Variants in MRPS35 observed in about 807,000 individuals in gnomAD.
MRPS35 encodes small ribosomal subunit protein mS35.
MRPS35 carries 29 observed loss-of-function variants against 32.7 expected under a neutral mutation model. The observed-to-expected ratio is 0.89, with a 90% CI of 0.66 to 1.21. MRPS35 has a LOEUF of 1.21. MRPS35 is among the 50% of genes most tolerant of loss of function. The pLI is 0.00. For synonymous variants in MRPS35, 148 were observed against 139.3 expected, an observed-to-expected ratio of 1.06 and a Z score of -0.44; for missense variants, 373 against 383.8, an observed-to-expected ratio of 0.97 and a Z score of 0.23.
At chr12:27,716,586 T>A (rs183986396) in intron 3 of MRPS35, 128 bp downstream of exon 3, 270 of 826,646 alleles carry the variant, frequency 3.3e-4, no homozygotes, top group Non-Finnish European at 3.2e-4. Flanking sequence ...AATTTAAATG[T>A]TAAAAATAAT....
chr12:27,736,389 A>C (rs1284000323), intron 6 of MRPS35, among the ~76,000 whole-genome samples: 1 of 152,126 alleles, frequency 6.6e-6, no homozygotes, highest in African/African-American at 2.4e-5. Flanking sequence ...ATATATTAGG[A>C]ATAGTCTTTT....
At chr12:27,730,504 A>G (rs1165833905) in intron 5 of MRPS35, among the ~76,000 whole-genome samples, 8 of 152,178 alleles carry the variant, frequency 5.3e-5, no homozygotes, top group African/African-American at 1.9e-4. Context: ...GCTGGAGTGC[A>G]GTGGCACAAG....
intron 1 of MRPS35, among the ~76,000 whole-genome samples, chr12:27,711,361 C>G (rs755891920): frequency 6.6e-6 from 1 of 152,208 alleles, no homozygotes; most frequent in Non-Finnish European, 1.5e-5. Context: ...GCTCTGAATT[C>G]CAGGCCACCA....
chr12:27,734,845 GC>G (rs1302933445), intron 5 of MRPS35, among the ~76,000 whole-genome samples: 2 of 152,158 alleles, frequency 1.3e-5, no homozygotes, highest in African/African-American at 4.8e-5. Context: ...AACAGAAAGA[GC>G]CTTTTAAAAA....
chr12:27,746,972 G>GT (rs2061983659), intron 7 of MRPS35, among the ~76,000 whole-genome samples: 1 of 152,034 alleles, frequency 6.6e-6, no homozygotes, highest in African/African-American at 2.4e-5. Flanking sequence ...TACTGTTAGA[G>GT]TAATTGTTCA....
chr12:27,748,556 C>A (rs2061989123), intron 7 of MRPS35, among the ~76,000 whole-genome samples: 1 of 151,634 alleles, frequency 6.6e-6, no homozygotes, highest in Admixed American at 6.6e-5. Flanking sequence ...TAATTGAATT[C>A]TTTGCCTAAG....
intron 7 of MRPS35, among the ~76,000 whole-genome samples, chr12:27,749,329 C>CA (rs35621557): frequency 0.2 from 29,630 of 148,042 alleles, 3,161 homozygotes; most frequent in African/African-American, 0.29. Flanking sequence ...GGAAACTTAC[C>CA]AAAAAAAAAG....
In MRPS35 at chr12:27,710,964, C is replaced by A. The variant is rs113589181; in HGVS notation, c.112+9C>A. On this transcript the variant is annotated intron_variant, in intron 1 of 7. Transcript: ENST00000081029. ...CCCGACACCTAGCCTGCGTGAGTGT[C>A]TGTCTCGTCTTCTCTGGGCTTTGGG... 6.8e-6 allele frequency: 11 copies of A among 1,609,060 alleles called. No homozygotes were observed. The South Asian group carries it at 7.7e-5, about 11-fold the overall frequency.
At chr12:27,715,481 T>C (rs1236384467) in intron 2 of MRPS35, among the ~76,000 whole-genome samples, 1 of 152,202 alleles carries the variant, frequency 6.6e-6, no homozygotes, top group African/African-American at 2.4e-5. Context: ...GTATTCTAAC[T>C]AGTTGAGTCT....
chr12:27,735,416 AT>A (rs2061939407), intron 5 of MRPS35, 30 bp from the exon 6 acceptor site: 1 of 1,478,652 alleles, frequency 6.8e-7, no homozygotes, highest in Non-Finnish European at 9.3e-7. Context: ...ATATGAAATT[AT>A]TTTTTCAAAT....
rs1204764733 is a variant in MRPS35, at chr12:27,724,098, A to G, written c.434A>G (p.Lys145Arg). The G allele has an allele frequency of 6.2e-7, 1 of 1,613,144 alleles. No homozygotes were observed. Among genetic ancestry groups the G allele is most frequent in the African/African-American group, 1.3e-5 (1 of 74,868 alleles). Residue 145 changes from lysine (K) to arginine (R), a missense_variant, in exon 5 of 8, where the codon AAG (lysine) becomes AGG (arginine). By Grantham distance (26) the Lys-to-Arg change is conservative. Transcript: ENST00000081029. The part of the protein sequence containing the change: ...AALDSDEKCE[K>R]HFPIEIDSTD... ...CTGGACAGTGACGAGAAATGTGAGA[A>G]GCATTTTCCAATTGAAATTGACAGC...
At chr12:27,752,419 G>C (rs939283253) in intron 7 of MRPS35, among the ~76,000 whole-genome samples, 1 of 152,192 alleles carries the variant, frequency 6.6e-6, no homozygotes, top group Non-Finnish European at 1.5e-5. Flanking sequence ...ATTCCTCTGC[G>C]TAAGCATCTA....
At chr12:27,740,953 G>A (rs972872543) in intron 7 of MRPS35, among the ~76,000 whole-genome samples, 2 of 152,082 alleles carry the variant, frequency 1.3e-5, no homozygotes, top group African/African-American at 4.8e-5. Flanking sequence ...GATTGCCCGA[G>A]CTCAGGAGTT....
At chr12:27,725,271 C>G (rs1335609445) in intron 5 of MRPS35, among the ~76,000 whole-genome samples, 1 of 152,116 alleles carries the variant, frequency 6.6e-6, no homozygotes, top group African/African-American at 2.4e-5. Flanking sequence ...TGTTATGTAC[C>G]AAGACAGTGT....
At chr12:27,722,831 A>T (rs951177519) in intron 4 of MRPS35, among the ~76,000 whole-genome samples, 1 of 152,204 alleles carries the variant, frequency 6.6e-6, no homozygotes, top group Non-Finnish European at 1.5e-5. Context: ...GATATCAGAG[A>T]GTCTTTGTAA....
At chr12:27,712,738 T>A (rs987656814) in intron 1 of MRPS35, among the ~76,000 whole-genome samples, 1 of 152,194 alleles carries the variant, frequency 6.6e-6, no homozygotes, top group Non-Finnish European at 1.5e-5. Context: ...GCCAAGGGGC[T>A]GAGTGTGGGG....
intron 1 of MRPS35, among the ~76,000 whole-genome samples, chr12:27,711,200 C>G (rs540545426): frequency 1.3e-5 from 2 of 152,206 alleles, no homozygotes; most frequent in African/African-American, 4.8e-5. Flanking sequence ...CTTACATCCC[C>G]CTTCCCCGTG....
chr12:27,722,563 C>G (rs2061881001), intron 4 of MRPS35, among the ~76,000 whole-genome samples: 1 of 151,766 alleles, frequency 6.6e-6, no homozygotes, highest in African/African-American at 2.4e-5. Flanking sequence ...CCCAAGAGCT[C>G]ACAAAATTCC....
chr12:27,742,941 G>T (rs1379204600), intron 7 of MRPS35, among the ~76,000 whole-genome samples: 1 of 151,894 alleles, frequency 6.6e-6, no homozygotes, highest in Non-Finnish European at 1.5e-5. Context: ...ACTGCATGCA[G>T]CCTCTACCTC....
Sources: allele counts gnomAD v4.1 joint callset (sites outside exome capture counted in the v4.1 genomes callset), GRCh38; gene constraint gnomAD v4.1.1; transcripts MANE v1.5; gene names NCBI Gene and HGNC (gene_info 2026-07-23, HGNC 2026-07-21).